MAP7D3: variants seen among roughly 807,000 people sequenced by gnomAD.
The protein encoded by MAP7D3 is MAP7 domain containing 3.
A neutral mutation model predicts 62.2 loss-of-function variants in MAP7D3; 45 were observed. The observed-to-expected ratio is 0.72, with a 90% CI of 0.57 to 0.93. The LOEUF (loss-of-function observed/expected upper bound fraction) is 0.93. MAP7D3 is among the 40% of genes least tolerant of loss of function. MAP7D3 has a pLI of 0.00. For synonymous variants in MAP7D3, 288 were observed against 248.8 expected (o/e 1.16, Z -1.48); for missense variants, 711 against 683.1 (o/e 1.04, Z -0.45).
In MAP7D3 at chrX:136,251,318, G is replaced by GAGAGAC. The variant is rs1194509221; in HGVS notation, c.40_41insGTCTCT (p.Pro14delinsArgLeuSer). The GAGAGAC allele has an allele frequency of 8.8e-7, 1 of 1,130,403 alleles. No homozygotes were observed. The highest frequency in any genetic ancestry group is 1.2e-6 in the Non-Finnish European group (1 of 861,060). The allele number at this position is 1,130,403 out of a possible 1,213,427, so 93.2% of individuals were successfully genotyped here. On this transcript the variant is annotated protein_altering_variant, in exon 1 of 19. Transcript: ENST00000316077. ...CCGTGCCCGCAGCTCTCTCAAGGAT[G>GAGAGAC]GGCTGCCGCCAGCGCCAGCTGCGGC...
At chrX:136,235,110 A>G (rs1473663716) in intron 7 of MAP7D3, among the ~76,000 whole-genome samples, 2 of 112,417 alleles carry the variant, frequency 1.8e-5, no homozygotes, top group African/African-American at 3.2e-5. Flanking sequence ...ACCGTATGAA[A>G]TTTATGGAGG....
intron 5 of MAP7D3, among the ~76,000 whole-genome samples, 154 bp downstream of exon 5, chrX:136,241,006 A>G (rs191707238): frequency 8.9e-6 from 1 of 112,418 alleles, no homozygotes; most frequent in Admixed American, 9.4e-5. Flanking sequence ...TTTCTTTTGC[A>G]ATGGCATATG....
intron 5 of MAP7D3, 123 bp downstream of exon 5, chrX:136,241,037 T>C: frequency 5.0e-6 from 2 of 398,321 alleles, no homozygotes; most frequent in Non-Finnish European, 4.4e-6. Flanking sequence ...AAATTTACTA[T>C]ATACAGTATT....
At chrX:136,255,078 G>A (rs923435565), upstream of MAP7D3, among the ~76,000 whole-genome samples, 5 of 111,609 alleles carry the variant, frequency 4.5e-5, no homozygotes, top group East Asian at 2.8e-4. Context: ...TTAGCTGGGC[G>A]TGGTGGCACG....
intron 6 of MAP7D3, among the ~76,000 whole-genome samples, chrX:136,239,778 T>C (rs959816692): frequency 8.9e-6 from 1 of 112,650 alleles, no homozygotes; most frequent in African/African-American, 3.2e-5. Context: ...TGGTAGAATA[T>C]GAACTAATCT....
At chrX:136,216,359 T>TAAAAAAAAAAAAAAAAAAA (rs58245551), downstream of MAP7D3, among the ~76,000 whole-genome samples, 1 of 25,504 alleles carries the variant, frequency 3.9e-5, no homozygotes, top group Non-Finnish European at 6.1e-5. Context: ...ACCCTATCTC[T>TAAAAAAAAAAAAAAAAAAA]AAAAAAAAAA....
chrX:136,247,900 T>C (rs895697810), intron 1 of MAP7D3, among the ~76,000 whole-genome samples: 1 of 112,345 alleles, frequency 8.9e-6, no homozygotes, highest in African/African-American at 3.2e-5. Context: ...TTTGACACTA[T>C]TTAGCTGATA....
chrX:136,217,204 T>C lies in MAP7D3; in HGVS notation c.*1322A>G, dbSNP rs1417923883. 2 of 112,404 alleles carry C rather than the reference T, an allele frequency of 1.8e-5. No individual in the cohort carries two copies. The highest frequency in any genetic ancestry group is 3.2e-5 in the African/African-American group (1 of 30,889). The allele number at this position is 112,404 out of a possible 1,213,427, so 9.3% of individuals were successfully genotyped here. ...CTGTGTGTGCATACATACGTGTATG[T>C]ACATCTGTGTGCATTTCTGTGTGCC... On this transcript the variant is annotated 3_prime_UTR_variant, in exon 19 of 19. Coordinates refer to ENST00000316077, the MANE Select transcript of MAP7D3 (RefSeq NM_024597.4).
Position 136,240,415 on chromosome X carries a change from A to G in MAP7D3, c.607T>C (p.Ser203Pro), listed in dbSNP as rs1450686497. 2 of 1,206,187 alleles carry G rather than the reference A, an allele frequency of 1.7e-6. No homozygotes were observed. Among genetic ancestry groups the G allele is most frequent in the Non-Finnish European group, 2.2e-6 (2 of 890,500 alleles). ...TSALIRQMPL[S>P]SAGLQNSVAK... is the part of the protein sequence containing the mutation. Reference sequence around the variant, plus strand: ...ACGGAATTTTGAAGGCCTGCAGATGACAAAGGCATTTGTCTGATTAAAGCA... The same window carrying G: ...ACGGAATTTTGAAGGCCTGCAGATGGCAAAGGCATTTGTCTGATTAAAGCA... Residue 203 changes from serine (S) to proline (P), a missense_variant, in exon 6 of 19, where the codon TCA (serine) becomes CCA (proline). Transcript: ENST00000316077.
chrX:136,236,980 T>C (rs2074337216), intron 6 of MAP7D3, among the ~76,000 whole-genome samples: 1 of 112,090 alleles, frequency 8.9e-6, no homozygotes, highest in Admixed American at 9.5e-5. Context: ...GCTCAGGTCC[T>C]GGACCTTACA....
At chrX:136,251,458 C>A (rs1257085511), upstream of MAP7D3, 1 of 167,392 alleles carries the variant, frequency 6.0e-6, no homozygotes, top group Non-Finnish European at 7.7e-6. Context: ...GTGGGCGGGG[C>A]GGGGCGGGGC....
At chrX:136,244,483 T>TG in intron 4 of MAP7D3, 149 bp downstream of exon 4, 1 of 487,714 alleles carries the variant, frequency 2.1e-6, no homozygotes, top group Non-Finnish European at 3.4e-6. Flanking sequence ...GCCTATATAA[T>TG]GCTGAGGGGA....
upstream of MAP7D3, among the ~76,000 whole-genome samples, chrX:136,252,915 T>C (rs745615736): frequency 1.8e-5 from 2 of 109,374 alleles, no homozygotes; most frequent in African/African-American, 6.6e-5. Flanking sequence ...CTGGCCAGCA[T>C]GGGGAAACCC....
intron 15 of MAP7D3, among the ~76,000 whole-genome samples, chrX:136,221,567 C>T (rs1035132683): frequency 2.7e-5 from 3 of 112,201 alleles, no homozygotes; most frequent in Non-Finnish European, 3.8e-5. Context: ...CCTCGTGATC[C>T]GCCCACCTCG....
intron 10 of MAP7D3, among the ~76,000 whole-genome samples, chrX:136,229,963 G>GTATA (rs1314350673): frequency 5.3e-4 from 19 of 35,955 alleles, no homozygotes; most frequent in Non-Finnish European, 5.9e-4. Context: ...TTTTGTGTGT[G>GTATA]TATATATATA....
chrX:136,243,251 A>G (rs1217681440), intron 4 of MAP7D3, among the ~76,000 whole-genome samples: 1 of 112,083 alleles, frequency 8.9e-6, no homozygotes, highest in Non-Finnish European at 1.9e-5. Flanking sequence ...ATAAAAATAC[A>G]ACACACTGAG....
At chrX:136,237,556 CAG>C (rs768827086) in intron 6 of MAP7D3, among the ~76,000 whole-genome samples, 1 of 112,114 alleles carries the variant, frequency 8.9e-6, no homozygotes, top group East Asian at 2.8e-4. Flanking sequence ...TTCATCATTT[CAG>C]AGTGTGCAAC....
At chrX:136,225,856 C>T (rs1366076723) in intron 13 of MAP7D3, 53 bp downstream of exon 13, 41 of 787,737 alleles carry the variant, frequency 5.2e-5, no homozygotes, top group Non-Finnish European at 6.6e-5. Context: ...ATATCAGGTG[C>T]CCAACATTGT....
In MAP7D3 at chrX:136,218,311, G is replaced by C. The variant is rs1046018827; in HGVS notation, c.*215C>G. 2 of 111,770 alleles carry C rather than the reference G, an allele frequency of 1.8e-5. No individual in the cohort carries two copies. The highest frequency in any genetic ancestry group is 3.8e-5 in the Non-Finnish European group (2 of 53,111). 9.2% of individuals were successfully genotyped at this position (111,770 alleles called of 1,213,427 possible). A position where few individuals can be genotyped will look rare whatever the true frequency, so the allele number is the denominator to read the frequency against. On this transcript the variant is annotated 3_prime_UTR_variant, in exon 19 of 19. Coordinates refer to ENST00000316077, the MANE Select transcript of MAP7D3 (RefSeq NM_024597.4). The stretch of plus-strand genomic sequence containing the variant: ...TTGCTTAGACACAAGAGAATAAGAT[G>C]ACTTTAACATCTGAGATATACATCA...
Sources: gnomAD v4.1 joint callset for allele counts (sites outside exome capture counted in the v4.1 genomes callset) on GRCh38, gnomAD v4.1.1 for gene constraint, MANE v1.5 for transcripts, NCBI Gene and HGNC (gene_info 2026-07-23, HGNC 2026-07-21) for gene names.